SYNPR: variants seen among roughly 807,000 people sequenced by gnomAD.
The protein encoded by SYNPR is synaptoporin.
Under a neutral mutation model 32.9 loss-of-function variants are expected in SYNPR, and 23 were observed. The ratio of observed to expected loss-of-function variants is 0.70; its 90% confidence interval spans 0.50 to 0.99. The LOEUF (loss-of-function observed/expected upper bound fraction) is 0.99. Ranked by LOEUF, SYNPR falls within the 50% of genes least tolerant of loss-of-function variation. The probability of loss-of-function intolerance (pLI) is 0.00; values close to 1 mark genes in which losing one functional copy is unlikely to be tolerated. For missense variants in SYNPR, 318 were observed against 349.3 expected, an observed-to-expected ratio of 0.91 and a Z score of 0.71; for synonymous variants, 146 against 135.9, an observed-to-expected ratio of 1.07 and a Z score of -0.52.
At chr3:63,356,938 A>G (rs1178805725) in intron 2 of SYNPR, among the ~76,000 whole-genome samples, 3 of 152,226 alleles carry the variant, frequency 2.0e-5, no homozygotes, top group Non-Finnish European at 4.4e-5. Context: ...TCCAGGCTGT[A>G]ATCTTGCCTG....
intron 2 of SYNPR, chr3:63,330,339 T>A (rs780976299): frequency 4.0e-5 from 6 of 151,896 alleles, no homozygotes; most frequent in Non-Finnish European, 7.4e-5. Flanking sequence ...TTAAGGAAAA[T>A]AACACTACCA....
rs3082128 is a variant in SYNPR at position 63,335,766 on chromosome 3, C to CTT, written c.84+57047_84+57048dup. Among the ~76,000 whole-genome samples, 692 of 91,254 alleles carry CTT rather than the reference C, an allele frequency of 7.6e-3. 23 individuals carry two copies. Among genetic ancestry groups the CTT allele is most frequent in the Non-Finnish European group, 9.1e-3 (430 of 47,158 alleles). The allele number at this position is 91,254 out of a possible 152,430, so 59.9% of individuals were successfully genotyped here. A position where few individuals can be genotyped will look rare whatever the true frequency, so the allele number is the denominator to read the frequency against. ...ACACACTCAAGTCCATATTAGCTTC[C>CTT]TTTTTTTTTTTTTTTTTTTTTTTTG... On this transcript the variant is annotated intron_variant, in intron 2 of 5. Coordinates refer to ENST00000478300, the MANE Select transcript of SYNPR (RefSeq NM_001130003.2).
At chr3:63,207,190 G>A in the SYNPR span, among the ~76,000 whole-genome samples, 1 of 152,182 alleles carries the variant, frequency 6.6e-6, no homozygotes, top group East Asian at 1.9e-4. Flanking sequence ...TGAATGAGGT[G>A]GGAAGGCTGG....
the SYNPR span, among the ~76,000 whole-genome samples, chr3:63,204,830 G>A: frequency 6.6e-6 from 1 of 152,062 alleles, no homozygotes; most frequent in Non-Finnish European, 1.5e-5. Context: ...TGGGACTACA[G>A]GCATGCGCCA....
chr3:63,369,006 A>G (rs916707716), intron 2 of SYNPR, among the ~76,000 whole-genome samples: 1 of 152,208 alleles, frequency 6.6e-6, no homozygotes, highest in African/African-American at 2.4e-5. Flanking sequence ...TGTGTCTGCA[A>G]AATTCACAAT....
At chr3:63,427,954 T>C (rs967479182) in intron 2 of SYNPR, among the ~76,000 whole-genome samples, 1 of 152,230 alleles carries the variant, frequency 6.6e-6, no homozygotes, top group African/African-American at 2.4e-5. Context: ...ACTCCAGAAA[T>C]GGAAACTGAA....
At chr3:63,387,539 T>C (rs2088068013) in intron 2 of SYNPR, among the ~76,000 whole-genome samples, 1 of 152,170 alleles carries the variant, frequency 6.6e-6, no homozygotes, top group Non-Finnish European at 1.5e-5. Context: ...AAATGTACTT[T>C]TCTAAGTTTT....
At chr3:63,283,567 T>C in intron 2 of SYNPR, among the ~76,000 whole-genome samples, 1 of 151,996 alleles carries the variant, frequency 6.6e-6, no homozygotes, top group East Asian at 1.9e-4. Context: ...ACTTACCCTA[T>C]TTTCAGACCA....
At chr3:63,512,937 G>C (rs1014919659) in intron 3 of SYNPR, among the ~76,000 whole-genome samples, 1 of 152,024 alleles carries the variant, frequency 6.6e-6, no homozygotes, top group African/African-American at 2.4e-5. Flanking sequence ...AAGCTTCTTG[G>C]TTAGTTTTCA....
chr3:63,548,705 C>T (rs920621759), intron 3 of SYNPR, among the ~76,000 whole-genome samples: 2 of 152,154 alleles, frequency 1.3e-5, no homozygotes, highest in Non-Finnish European at 2.9e-5. Context: ...AGAAAACGTA[C>T]TCAGCACTAC....
chr3:63,569,467 T>C (rs754890304), intron 4 of SYNPR, among the ~76,000 whole-genome samples: 32 of 152,184 alleles, frequency 2.1e-4, no homozygotes, highest in Non-Finnish European at 4.0e-4. Context: ...ACAAAGATAA[T>C]TTTCTTCCCA....
At chr3:63,489,376 G>A (rs1186143134) in intron 3 of SYNPR, among the ~76,000 whole-genome samples, 1 of 152,118 alleles carries the variant, frequency 6.6e-6, no homozygotes, top group African/African-American at 2.4e-5. Flanking sequence ...TACAGCTGAA[G>A]AAAGTCTTCT....
chr3:63,371,600 G>T (rs2087812916), intron 2 of SYNPR, among the ~76,000 whole-genome samples: 4 of 152,222 alleles, frequency 2.6e-5, no homozygotes, highest in African/African-American at 9.6e-5. Flanking sequence ...AATTGCTGCT[G>T]CCCTCAGGTT....
intron 2 of SYNPR, among the ~76,000 whole-genome samples, chr3:63,432,370 G>A (rs1222161196): frequency 4.6e-5 from 7 of 152,150 alleles, no homozygotes; most frequent in Admixed American, 1.3e-4. Flanking sequence ...CAGCAGTGTT[G>A]ATGAACTGAC....
intron 4 of SYNPR, among the ~76,000 whole-genome samples, chr3:63,594,434 T>C (rs1699897371): frequency 6.6e-6 from 1 of 152,194 alleles, no homozygotes; most frequent in African/African-American, 2.4e-5. Context: ...AACAGATAAA[T>C]GATAGCCATG....
intron 2 of SYNPR, chr3:63,452,014 C>T (rs1700387632): frequency 5.7e-6 from 4 of 696,540 alleles, no homozygotes; most frequent in Non-Finnish European, 1.0e-5. Context: ...TCTTCCTCCC[C>T]CAGACCAGTT....
chr3:63,248,452 A>G (rs2106887048), intron 1 of SYNPR, among the ~76,000 whole-genome samples: 1 of 152,256 alleles, frequency 6.6e-6, no homozygotes, highest in Middle Eastern at 3.4e-3. Flanking sequence ...TAATTTGGGT[A>G]AGAGATGCAT....
chr3:63,593,099 C>T (rs1395297319), intron 4 of SYNPR, among the ~76,000 whole-genome samples: 2 of 151,956 alleles, frequency 1.3e-5, no homozygotes, highest in African/African-American at 4.8e-5. Context: ...AAAAAATTCT[C>T]AATGAAGATC....
At chr3:63,445,006 A>G (rs994636054) in intron 2 of SYNPR, among the ~76,000 whole-genome samples, 11 of 151,824 alleles carry the variant, frequency 7.2e-5, no homozygotes, top group African/African-American at 2.2e-4. Context: ...GCTGTTGCCA[A>G]TTACTGCTAA....
Sources: allele counts gnomAD v4.1 joint callset (sites outside exome capture counted in the v4.1 genomes callset), GRCh38; gene constraint gnomAD v4.1.1; transcripts MANE v1.5; gene names NCBI Gene and HGNC (gene_info 2026-07-23, HGNC 2026-07-21).